Variants in RUFY3 observed in about 807,000 individuals in gnomAD.
The protein encoded by RUFY3 is protein RUFY3.
A neutral mutation model predicts 84.0 loss-of-function variants in RUFY3; 34 were observed. The ratio of observed to expected loss-of-function variants is 0.40; its 90% CI spans 0.31 to 0.54. The LOEUF is 0.54. Ranked by LOEUF, RUFY3 falls within the 20% of genes least tolerant of loss-of-function variation. RUFY3 has a pLI of 0.39. For synonymous variants in RUFY3, 242 were observed against 252.9 expected (o/e 0.96, Z 0.41); for missense variants, 507 against 736.8 (o/e 0.69, Z 3.61).
Position 70,793,794 on chromosome 4 carries a change from G to T in RUFY3, c.1347G>T (p.Gln449His). Residue 449 changes from glutamine (Q) to histidine (H), a missense_variant, in exon 13 of 18, where the codon CAG becomes CAT. Physicochemically the swap from Gln to His is conservative, Grantham distance 24 (BLOSUM62 0). This residue lies in a region of RUFY3 where 334 missense variants were observed against 364.1 expected (regional missense o/e 0.92). Transcript: ENST00000381006. ...TIKQLEQRLR[Q>H]AERSRQSAEL... ...TGTGGCTCACATCCAGATTGCGCCA[G>T]GCTGAGCGAAGCCGCCAATCTGCTG... 1 of 1,614,038 alleles carries T rather than the reference G, an allele frequency of 6.2e-7. No individual in the cohort carries two copies. The highest frequency in any genetic ancestry group is 8.5e-7 in the Non-Finnish European group (1 of 1,179,980).
chr4:70,727,723 G>A (rs1333259624), intron 1 of RUFY3, among the ~76,000 whole-genome samples: 1 of 149,982 alleles, frequency 6.7e-6, no homozygotes, highest in South Asian at 2.1e-4. Flanking sequence ...GGAGGCAGGG[G>A]TTGCGGTGAG....
At chr4:70,742,622 G>T (rs1319902024) in intron 1 of RUFY3, among the ~76,000 whole-genome samples, 1 of 152,184 alleles carries the variant, frequency 6.6e-6, no homozygotes. Context: ...CTTAAGGAAG[G>T]CTTTTTACTT....
chr4:70,780,189 G>A (rs1378017895), intron 8 of RUFY3, among the ~76,000 whole-genome samples: 1 of 152,198 alleles, frequency 6.6e-6, no homozygotes, highest in Admixed American at 6.5e-5. Flanking sequence ...TGTTGAAGCA[G>A]TACAGCATAG....
chr4:70,772,360 A>G (rs1454029633), intron 5 of RUFY3, among the ~76,000 whole-genome samples: 1 of 152,136 alleles, frequency 6.6e-6, no homozygotes, highest in Non-Finnish European at 1.5e-5. Flanking sequence ...AAAGGCCATT[A>G]AAGCACGGTA....
chr4:70,768,454 AC>A, intron 4 of RUFY3, 83 bp from the exon 5 acceptor site: 4 of 1,299,780 alleles, frequency 3.1e-6, no homozygotes, highest in Non-Finnish European at 4.3e-6. Flanking sequence ...CTATGATTCA[AC>A]CATGAATCAA....
At chr4:70,727,354 CT>C (rs762253929) in intron 1 of RUFY3, among the ~76,000 whole-genome samples, 3,130 of 118,152 alleles carry the variant, frequency 0.026, 72 homozygotes, top group African/African-American at 0.082. Context: ...AAAGTAATAA[CT>C]TTTTTTTTTT....
At chr4:70,712,717 G>T (rs947412666) in intron 1 of RUFY3, among the ~76,000 whole-genome samples, 1 of 152,082 alleles carries the variant, frequency 6.6e-6, no homozygotes, top group South Asian at 2.1e-4. Context: ...TAATTTTTTT[G>T]TTGGCAATAT....
At chr4:70,747,463 C>T (rs1356756438) in intron 1 of RUFY3, among the ~76,000 whole-genome samples, 1 of 150,682 alleles carries the variant, frequency 6.6e-6, no homozygotes, top group Non-Finnish European at 1.5e-5. Flanking sequence ...CTGGTATATA[C>T]ATCCATTTGT....
intron 14 of RUFY3, among the ~76,000 whole-genome samples, chr4:70,798,608 C>T (rs1219154755): frequency 6.6e-6 from 1 of 152,098 alleles, no homozygotes; most frequent in Admixed American, 6.6e-5. Flanking sequence ...ATGGTGAAAC[C>T]CCATCTCTAC....
intron 15 of RUFY3, 97 bp downstream of exon 15, chr4:70,800,302 A>G (rs1385404180): frequency 3.9e-6 from 3 of 775,454 alleles, no homozygotes; most frequent in Non-Finnish European, 6.2e-6. Flanking sequence ...CACCGACCAG[A>G]CACTGACTTA....
chr4:70,731,999 A>G (rs1000755358), intron 1 of RUFY3, among the ~76,000 whole-genome samples: 1 of 152,136 alleles, frequency 6.6e-6, no homozygotes, highest in Non-Finnish European at 1.5e-5. Context: ...TGTTTTTTCA[A>G]ACTCCTTTTC....
At chr4:70,801,574 A>T (rs1732235284) in intron 15 of RUFY3, among the ~76,000 whole-genome samples, 1 of 152,214 alleles carries the variant, frequency 6.6e-6, no homozygotes, top group Admixed American at 6.5e-5. Flanking sequence ...TACCACAGTG[A>T]GGTTTTGAGA....
chr4:70,791,266 C>A, intron 12 of RUFY3: 1 of 1,613,512 alleles, frequency 6.2e-7, no homozygotes, highest in Non-Finnish European at 8.5e-7. Context: ...TTAAATAGTG[C>A]AGCAAATAAA....
intron 1 of RUFY3, among the ~76,000 whole-genome samples, chr4:70,756,664 C>T (rs1203059122): frequency 6.6e-6 from 1 of 152,154 alleles, no homozygotes; most frequent in African/African-American, 2.4e-5. Flanking sequence ...TCAAAAGTCT[C>T]ATCCTCTGAG....
At chr4:70,754,483 G>A (rs1291321458) in intron 1 of RUFY3, among the ~76,000 whole-genome samples, 1 of 151,688 alleles carries the variant, frequency 6.6e-6, no homozygotes, top group Non-Finnish European at 1.5e-5. Flanking sequence ...TATAGTTATG[G>A]ATATAGATAT....
intron 7 of RUFY3, 56 bp from the exon 8 acceptor site, chr4:70,778,313 G>GTACA: frequency 3.5e-6 from 3 of 854,922 alleles, no homozygotes; most frequent in Non-Finnish European, 5.9e-6. Flanking sequence ...AAAAAGGAAG[G>GTACA]TACAGAGTAT....
chr4:70,738,231 T>C (rs533136134), intron 1 of RUFY3, among the ~76,000 whole-genome samples: 18 of 151,876 alleles, frequency 1.2e-4, no homozygotes, highest in Non-Finnish European at 2.5e-4. Flanking sequence ...TCAAGCGATC[T>C]GCCTGCCTTG....
chr4:70,743,117 G>A (rs1248287680), intron 1 of RUFY3, among the ~76,000 whole-genome samples: 1 of 152,070 alleles, frequency 6.6e-6, no homozygotes, highest in African/African-American at 2.4e-5. Flanking sequence ...CGTCCAGGCT[G>A]CGGTGCAGTG....
chr4:70,746,953 G>A (rs1470643965), intron 1 of RUFY3, among the ~76,000 whole-genome samples: 2 of 152,168 alleles, frequency 1.3e-5, no homozygotes, highest in African/African-American at 4.8e-5. Context: ...GGGGATCCTT[G>A]TCGTGATGGA....
Sources: gnomAD v4.1 joint callset for allele counts (sites outside exome capture counted in the v4.1 genomes callset) on GRCh38, gnomAD v4.1.1 for gene constraint, gnomAD v4.1.1 regional missense constraint, MANE v1.5 for transcripts, NCBI Gene and HGNC (gene_info 2026-07-23, HGNC 2026-07-21) for gene names.